BCAT1: variants seen among roughly 807,000 people sequenced by gnomAD.
The protein encoded by BCAT1 is branched-chain-amino-acid aminotransferase, cytosolic.
BCAT1 carries 48 observed loss-of-function variants against 52.4 expected under a neutral mutation model. The ratio of observed to expected loss-of-function variants is 0.92; its 90% CI spans 0.73 to 1.16. The LOEUF is 1.16. Among genes scored for constraint, BCAT1 ranks in the 50% most tolerant of loss-of-function variants. BCAT1 has a pLI of 0.00. For missense variants in BCAT1, 451 were observed against 457.1 expected (o/e 0.99, Z 0.12); for synonymous variants, 167 against 161.3 (o/e 1.04, Z -0.27).
chr12:24,872,568 G>A (rs1049718804), intron 5 of BCAT1, among the ~76,000 whole-genome samples: 3 of 152,214 alleles, frequency 2.0e-5, no homozygotes, highest in Admixed American at 6.5e-5. Flanking sequence ...CTCCAGAGAT[G>A]TACTTACAGA....
intron 1 of BCAT1, among the ~76,000 whole-genome samples, chr12:24,911,706 C>T (rs752577510): frequency 5.9e-5 from 9 of 152,126 alleles, no homozygotes; most frequent in Non-Finnish European, 1.3e-4. Flanking sequence ...TCTTCCCTCC[C>T]CACCCCTCGT....
chr12:24,924,671 C>G (rs954954067), intron 1 of BCAT1, among the ~76,000 whole-genome samples: 11 of 151,974 alleles, frequency 7.2e-5, no homozygotes, highest in Non-Finnish European at 1.3e-4. Flanking sequence ...AAAATAGCAG[C>G]AAAAACACAC....
chr12:24,871,187 C>A (rs1942176334), intron 5 of BCAT1, among the ~76,000 whole-genome samples: 1 of 152,162 alleles, frequency 6.6e-6, no homozygotes, highest in African/African-American at 2.4e-5. Flanking sequence ...GTAGCAGTAC[C>A]TTCTTGGGGT....
Position 24,816,615 on chromosome 12 carries a change from T to C in BCAT1, c.*1393A>G. 2.5e-6 allele frequency: 1 copy of C among 397,942 alleles called. No homozygotes were observed. Among genetic ancestry groups the C allele is most frequent in the Non-Finnish European group, 4.4e-6 (1 of 225,638 alleles). The allele number at this position is 397,942 out of a possible 1,614,324, so 24.7% of individuals were successfully genotyped here. ...CAAAAAAAAAAAAAAAAGATTTATT[T>C]CTGCAATTAACACTTGACATAAAAC... On this transcript the variant is annotated 3_prime_UTR_variant, in exon 11 of 11. Transcript: ENST00000261192.
intron 8 of BCAT1, among the ~76,000 whole-genome samples, chr12:24,835,563 A>AT (rs1565453187): frequency 2.3e-5 from 2 of 85,702 alleles, no homozygotes; most frequent in Non-Finnish European, 6.8e-5. Context: ...TTATTTATTT[A>AT]TTTATTTATT....
At chr12:24,858,390 T>C (rs1941754234) in intron 5 of BCAT1, among the ~76,000 whole-genome samples, 1 of 152,238 alleles carries the variant, frequency 6.6e-6, no homozygotes. Context: ...GAATCAAATA[T>C]ATTGGTAAAA....
intron 1 of BCAT1, among the ~76,000 whole-genome samples, chr12:24,943,844 C>G (rs146571725): frequency 2.0e-5 from 3 of 151,878 alleles, no homozygotes; most frequent in Non-Finnish European, 4.4e-5. Context: ...ATTAGCCGGG[C>G]GTGGTGGCGG....
At chr12:24,900,805 C>T (rs1222354247) in intron 2 of BCAT1, among the ~76,000 whole-genome samples, 3 of 152,092 alleles carry the variant, frequency 2.0e-5, no homozygotes, top group Non-Finnish European at 4.4e-5. Context: ...ATGGCACATG[C>T]CTGTAATCTC....
In BCAT1 at chr12:24,890,434, C is replaced by G. The variant is rs138777187; in HGVS notation, c.279+3841G>C. On this transcript the variant is annotated intron_variant, in intron 3 of 10. Transcript: ENST00000261192. Reference sequence around the variant, plus strand: ...AGGATGAGATAGGAGGTCGGCACAACATACAGGTTACAAAGACCCCACTGA... The same window carrying G: ...AGGATGAGATAGGAGGTCGGCACAAGATACAGGTTACAAAGACCCCACTGA... Among the ~76,000 whole-genome samples the G allele has an allele frequency of 7.5e-3, 1,146 of 152,282 alleles. 9 individuals are homozygous for G. Among genetic ancestry groups the G allele is most frequent in the African/African-American group, 0.027 (1,108 of 41,550 alleles).
chr12:24,939,191 A>G (rs952720540), intron 1 of BCAT1, among the ~76,000 whole-genome samples: 9 of 152,140 alleles, frequency 5.9e-5, no homozygotes, highest in African/African-American at 1.9e-4. Flanking sequence ...CTTTTTATGT[A>G]TATCTCCCTA....
intron 5 of BCAT1, among the ~76,000 whole-genome samples, chr12:24,865,989 C>T (rs1941993892): frequency 6.6e-6 from 1 of 152,234 alleles, no homozygotes; most frequent in South Asian, 2.1e-4. Context: ...TTGAGGAGCC[C>T]TTCAGCCTGC....
Position 24,900,395 on chromosome 12 carries a change from G to A in BCAT1, c.78+1419C>T, listed in dbSNP as rs145597628. Among the ~76,000 whole-genome samples the A allele has an allele frequency of 3.4e-4, 52 of 152,258 alleles. No homozygotes were observed. The East Asian group carries it at 9.5e-3, about 28-fold the overall frequency. The stretch of plus-strand genomic sequence containing the variant: ...AAGCCCAGGAGTTGGAGATCAGTCT[G>A]GGCAACACAGGGAGATCCCATCTCT... On this transcript the variant is annotated intron_variant, in intron 2 of 10. Coordinates refer to ENST00000261192, the MANE Select transcript of BCAT1 (RefSeq NM_005504.7).
intron 8 of BCAT1, chr12:24,834,702 G>C (rs1383502340): frequency 9.7e-7 from 1 of 1,034,982 alleles, no homozygotes; most frequent in African/African-American, 1.7e-5. Flanking sequence ...ATGGCTCTTT[G>C]AAAGTTTCAA....
At chr12:24,832,678 T>A in intron 9 of BCAT1, 45 bp downstream of exon 9, 1 of 1,542,822 alleles carries the variant, frequency 6.5e-7, no homozygotes, top group African/African-American at 1.4e-5. Context: ...AAATGTAATT[T>A]AATGTGATTG....
rs78596246 is a variant in BCAT1, at chr12:24,911,386, A to G, written c.7-9501T>C. On this transcript the variant is annotated intron_variant, in intron 1 of 10. Transcript: ENST00000261192. ...AGAGAATGAATGCGCAGGGCTACAC[A>G]GGCAACCCCCTGGGAGCAGGAGCTA... is the stretch of plus-strand genomic sequence containing the variant. Among the ~76,000 whole-genome samples the G allele has an allele frequency of 8.4e-4, 128 of 152,316 alleles. No individual in the cohort carries two copies. The East Asian group carries it at 0.024, about 29-fold the overall frequency.
rs565165566 is a variant in BCAT1, at chr12:24,877,415, A to G, written c.510+1115T>C. ...CAGGTGACAGGGTCTTCATATAAAC[A>G]TACTCGTCCGCTCAAAAGGCCTTGG... On this transcript the variant is annotated intron_variant, in intron 5 of 10. Transcript: ENST00000261192. 4.6e-5 allele frequency among the ~76,000 whole-genome samples: 7 copies of G among 152,266 alleles called. No homozygotes were observed. In the South Asian group the frequency reaches 1.0e-3, roughly 23 times the overall value.
chr12:24,884,090 G>A (rs1404877028), intron 3 of BCAT1, among the ~76,000 whole-genome samples: 2 of 152,190 alleles, frequency 1.3e-5, no homozygotes, highest in Non-Finnish European at 2.9e-5. Flanking sequence ...CCAGGATACA[G>A]AAGCAACCTA....
At chr12:24,866,266 C>T (rs957752881) in intron 5 of BCAT1, among the ~76,000 whole-genome samples, 2 of 152,240 alleles carry the variant, frequency 1.3e-5, no homozygotes, top group African/African-American at 4.8e-5. Flanking sequence ...AGTGCTGGCC[C>T]ACCGGCGCCG....
intron 1 of BCAT1, among the ~76,000 whole-genome samples, chr12:24,913,855 G>A (rs564487557): frequency 6.0e-4 from 92 of 152,256 alleles, no homozygotes; most frequent in Non-Finnish European, 1.1e-3. Context: ...AAGTGAGTCA[G>A]ATAATTTCTT....
Sources: gnomAD v4.1 joint callset for allele counts (sites outside exome capture counted in the v4.1 genomes callset) on GRCh38, gnomAD v4.1.1 for gene constraint, MANE v1.5 for transcripts, NCBI Gene and HGNC (gene_info 2026-07-23, HGNC 2026-07-21) for gene names.